The following DGLUCY variants were observed in gnomAD, a reference collection of about 807,000 sequenced individuals.
The protein encoded by DGLUCY is D-glutamate cyclase, mitochondrial.
A neutral mutation model predicts 58.5 loss-of-function variants in DGLUCY; 58 were observed. That is an observed-to-expected ratio of 0.99 (90% CI 0.80 to 1.23). The LOEUF (loss-of-function observed/expected upper bound fraction) is 1.23, where lower values mean the gene tolerates loss of function less well. Ranked by LOEUF, DGLUCY falls within the 50% of genes most tolerant of loss-of-function variation. The probability of loss-of-function intolerance (pLI) is 0.00; values close to 1 mark genes in which losing one functional copy is unlikely to be tolerated. For missense variants in DGLUCY, 779 were observed against 784.7 expected, an observed-to-expected ratio of 0.99 and a Z score of 0.09; for synonymous variants, 325 against 314.1, an observed-to-expected ratio of 1.03 and a Z score of -0.37.
chr14:91,080,481 C>CT (rs2044105382), intron 1 of DGLUCY, among the ~76,000 whole-genome samples: 1 of 152,192 alleles, frequency 6.6e-6, no homozygotes, highest in South Asian at 2.1e-4. Flanking sequence ...AGCGATTCTC[C>CT]TGCCTCAGCC....
intron 4 of DGLUCY, 35 bp from the exon 5 acceptor site, chr14:91,169,968 C>G (rs1198055194): frequency 1.3e-6 from 2 of 1,595,214 alleles, no homozygotes; most frequent in African/African-American, 1.3e-5. Flanking sequence ...CAGTGAGAGT[C>G]TGGGGCCCTC....
chr14:91,125,650 C>G (rs574050183), intron 1 of DGLUCY: 20 of 152,304 alleles, frequency 1.3e-4, no homozygotes, highest in African/African-American at 4.8e-4. Flanking sequence ...TTCCCGACAG[C>G]TATACAAATA....
intron 1 of DGLUCY, among the ~76,000 whole-genome samples, chr14:91,066,679 G>C (rs2043827900): frequency 6.6e-6 from 1 of 152,176 alleles, no homozygotes; most frequent in South Asian, 2.1e-4. Context: ...CAGGAAGCAG[G>C]AAGTAAATAT....
intron 13 of DGLUCY, chr14:91,215,811 T>C (rs1288882573): frequency 8.0e-7 from 1 of 1,250,592 alleles, no homozygotes; most frequent in East Asian, 3.4e-5. Flanking sequence ...GCTTAGCTTC[T>C]CTGAGCCTCA....
chr14:91,163,392 C>T (rs769736851), intron 3 of DGLUCY, among the ~76,000 whole-genome samples: 12 of 152,180 alleles, frequency 7.9e-5, no homozygotes, highest in Non-Finnish European at 1.3e-4. Context: ...CTTTTGGAGC[C>T]GTGCTGGGCT....
intron 12 of DGLUCY, among the ~76,000 whole-genome samples, chr14:91,213,124 A>T (rs1885957293): frequency 6.6e-6 from 1 of 152,098 alleles, no homozygotes. Context: ...TGACAGAGTG[A>T]GACCCTGTCT....
intron 3 of DGLUCY, among the ~76,000 whole-genome samples, chr14:91,162,009 C>T (rs1595802092): frequency 2.6e-5 from 4 of 152,206 alleles, no homozygotes; most frequent in Admixed American, 2.0e-4. Flanking sequence ...CAGCCAGGGT[C>T]TTGGAGCCTG....
intron 1 of DGLUCY, among the ~76,000 whole-genome samples, chr14:91,138,888 T>C (rs1566961001): frequency 1.3e-5 from 2 of 152,152 alleles, no homozygotes; most frequent in Middle Eastern, 6.8e-3. Context: ...TTCGAGACCA[T>C]GAGCTCAATC....
rs139384219 is a variant in DGLUCY at position 91,216,111 on chromosome 14, G to T, written c.1716+555G>T. 3.9e-4 allele frequency: 87 copies of T among 221,266 alleles called. 1 individual carries two copies. In the Middle Eastern group the frequency reaches 0.013, roughly 33 times the overall value. 13.7% of individuals were successfully genotyped at this position (221,266 alleles called of 1,614,324 possible). The stretch of plus-strand genomic sequence containing the variant: ...AATCCCAGCGGGAGGAATGGGGGGA[G>T]CAGGGGCTTGGGAGATGAGGACAGG... On this transcript the variant is annotated intron_variant, in intron 13 of 13. Coordinates refer to ENST00000256324, the MANE Select transcript of DGLUCY (RefSeq NM_001102368.3).
intron 1 of DGLUCY, among the ~76,000 whole-genome samples, chr14:91,074,941 G>A (rs780461312): frequency 5.9e-5 from 9 of 151,798 alleles, no homozygotes; most frequent in Non-Finnish European, 1.2e-4. Flanking sequence ...GTGTGGTGGC[G>A]CATGCCTGTA....
intron 1 of DGLUCY, among the ~76,000 whole-genome samples, chr14:91,156,106 T>C (rs1270847111): frequency 5.9e-5 from 9 of 151,826 alleles, no homozygotes; most frequent in Non-Finnish European, 1.3e-4. Context: ...GTGTGTAGGG[T>C]AGCCTCATTC....
At chr14:91,111,196 ATATATATGTGTG>A (rs1262672488), upstream of DGLUCY, among the ~76,000 whole-genome samples, 1 of 5,090 alleles carries the variant, frequency 2.0e-4, no homozygotes, top group African/African-American at 3.1e-4. Context: ...CTTTTTATTT[ATATATATGTGTG>A]TGTGTGTGTG....
chr14:91,134,538 A>G (rs932138239), intron 1 of DGLUCY, among the ~76,000 whole-genome samples: 3 of 151,820 alleles, frequency 2.0e-5, no homozygotes, highest in African/African-American at 7.3e-5. Context: ...CCCAGGTTCA[A>G]GCGATTCTCT....
intron 1 of DGLUCY, among the ~76,000 whole-genome samples, chr14:91,128,201 G>A (rs1160912022): frequency 4.0e-5 from 6 of 151,842 alleles, no homozygotes; most frequent in East Asian, 1.9e-4. Flanking sequence ...AGGCCGGTAC[G>A]GTGGCTCACA....
intron 7 of DGLUCY, among the ~76,000 whole-genome samples, chr14:91,179,886 C>CTTT (rs35580984): frequency 0.017 from 1,291 of 75,980 alleles, 17 homozygotes; most frequent in Middle Eastern, 0.034. Flanking sequence ...ATGCTAAACA[C>CTTT]TTTTTTTTTT....
chr14:91,122,614 T>TTTTG (rs2045446419), intron 1 of DGLUCY, among the ~76,000 whole-genome samples: 1 of 138,488 alleles, frequency 7.2e-6, no homozygotes, highest in Non-Finnish European at 1.5e-5. Flanking sequence ...TTTTTTTTTT[T>TTTTG]TTTTTTGAGA....
chr14:91,210,808 G>A (rs1280641867), intron 12 of DGLUCY, among the ~76,000 whole-genome samples: 1 of 152,150 alleles, frequency 6.6e-6, no homozygotes, highest in Non-Finnish European at 1.5e-5. Flanking sequence ...TAGGAAAAAG[G>A]CAATGATGTT....
intron 1 of DGLUCY, chr14:91,128,961 T>G (rs1431813226): frequency 1.3e-5 from 2 of 151,840 alleles, no homozygotes; most frequent in African/African-American, 4.8e-5. Context: ...AAAGACAGTT[T>G]CTGAAAGAAA....
Position 91,088,302 on chromosome 14 carries a change from C to T in DGLUCY, c.-82+27598C>T, listed in dbSNP as rs574539862. Among the ~76,000 whole-genome samples the T allele has an allele frequency of 8.8e-4, 134 of 152,222 alleles. 2 individuals are homozygous for T. The highest frequency in any genetic ancestry group is 1.4e-3 in the Non-Finnish European group (92 of 67,998). ...TAAAGCATCATGTTTTGCTTCACCTCCCTGGGGGTTACATAATAAGACAGT... is the reference window on the plus strand; with the variant it reads ...TAAAGCATCATGTTTTGCTTCACCTTCCTGGGGGTTACATAATAAGACAGT... On this transcript the variant is annotated intron_variant, in intron 1 of 4. Coordinates refer to the DGLUCY transcript ENST00000521334.
Sources: allele counts gnomAD v4.1 joint callset (sites outside exome capture counted in the v4.1 genomes callset), GRCh38; gene constraint gnomAD v4.1.1; transcripts MANE v1.5; gene names NCBI Gene and HGNC (gene_info 2026-07-23, HGNC 2026-07-21).